Variants in TMEM181 observed in about 807,000 individuals in gnomAD.
TMEM181 encodes the protein G protein-coupled receptor 178.
Under a neutral mutation model 71.9 loss-of-function variants are expected in TMEM181, and 39 were observed. That is an observed-to-expected ratio of 0.54 (90% CI 0.42 to 0.71). The LOEUF (loss-of-function observed/expected upper bound fraction) is 0.71. Ranked by LOEUF, TMEM181 falls within the 30% of genes least tolerant of loss-of-function variation. The probability of loss-of-function intolerance (pLI) is 0.00; values close to 1 mark genes in which losing one functional copy is unlikely to be tolerated. For synonymous variants in TMEM181, 245 were observed against 228.8 expected (o/e 1.07, Z -0.64); for missense variants, 595 against 583.0 (o/e 1.02, Z -0.21).
At chr6:158,556,243 G>A (rs6455591), upstream of TMEM181, among the ~76,000 whole-genome samples, 3,527 of 152,216 alleles carry the variant, frequency 0.023, 140 homozygotes, top group African/African-American at 0.079. Flanking sequence ...GAGAAGAGTC[G>A]CCTTGGCCAA....
intron 2 of TMEM181, among the ~76,000 whole-genome samples, chr6:158,577,211 T>TG: frequency 6.6e-6 from 1 of 152,256 alleles, no homozygotes; most frequent in East Asian, 1.9e-4. Flanking sequence ...TTAAAGGTGC[T>TG]GAGGCAACTA....
chr6:158,539,984 C>A (rs1274176531), intron 1 of TMEM181, among the ~76,000 whole-genome samples: 4 of 152,166 alleles, frequency 2.6e-5, no homozygotes, highest in African/African-American at 9.7e-5. Context: ...AACAGAAAAA[C>A]CACAGCGAAC....
chr6:158,566,298 G>A (rs1392718032), intron 1 of TMEM181, among the ~76,000 whole-genome samples: 1 of 151,842 alleles, frequency 6.6e-6, no homozygotes, highest in African/African-American at 2.4e-5. Context: ...GCAGGCCATT[G>A]TTCATACCTG....
At chr6:158,605,129 AAAGT>A (rs72419523) in intron 6 of TMEM181, 134 bp from the exon 7 acceptor site, 100,926 of 391,704 alleles carry the variant, frequency 0.26, 8,967 homozygotes, top group East Asian at 0.48. Flanking sequence ...AAAAAAAAAA[AAAGT>A]GTGTGTGTGT....
At position 158,554,735 on chromosome 6, in the gene TMEM181, G is replaced by A. The variant is rs922688619; in HGVS notation, c.131+17870G>A. ...AACATAAAACATAATACACGTACAT[G>A]TGTAAATGCACCGAAACAAATATCC... On this transcript the variant is annotated intron_variant, in intron 1 of 16. Transcript: ENST00000367090. Among the ~76,000 whole-genome samples the A allele has an allele frequency of 3.3e-5, 5 of 152,322 alleles. No homozygotes were observed. The South Asian group carries it at 8.3e-4, about 25-fold the overall frequency.
chr6:158,611,042 A>G, intron 10 of TMEM181: 1 of 454,064 alleles, frequency 2.2e-6, no homozygotes, highest in Admixed American at 2.6e-5. Flanking sequence ...GGATTTCTAA[A>G]TGAGAGAGTC....
At chr6:158,581,077 C>A in intron 3 of TMEM181, 82 bp downstream of exon 3, 2 of 1,358,260 alleles carry the variant, frequency 1.5e-6, no homozygotes, top group Non-Finnish European at 2.1e-6. Context: ...CGCTTAGAGT[C>A]TTTAAGGTAG....
At chr6:158,568,050 T>G (rs934587611) in intron 1 of TMEM181, among the ~76,000 whole-genome samples, 7 of 151,948 alleles carry the variant, frequency 4.6e-5, no homozygotes, top group African/African-American at 1.7e-4. Context: ...CAGGAGTTTT[T>G]GGGGCCTGAA....
exon 1 of TMEM181, chr6:158,536,803 G>A (rs1180547153): frequency 6.4e-6 from 10 of 1,560,728 alleles, no homozygotes; most frequent in African/African-American, 1.4e-5. Context: ...GCCGGCGGCT[G>A]CGGGAAGCGT....
At chr6:158,579,440 G>A (rs1710045677) in intron 2 of TMEM181, among the ~76,000 whole-genome samples, 2 of 152,068 alleles carry the variant, frequency 1.3e-5, no homozygotes. Context: ...AAGGAAGTTC[G>A]GCCGGGCGCA....
rs1786901047 is a variant in TMEM181, at chr6:158,635,372, G to GA, written c.*3486dup. 6.6e-6 allele frequency: 1 copy of GA among 152,194 alleles called. No individual in the cohort carries two copies. 9.4% of individuals were successfully genotyped at this position (152,194 alleles called of 1,614,324 possible). On this transcript the variant is annotated 3_prime_UTR_variant, in exon 17 of 17. Transcript: ENST00000684151. ...TGTTTATGGCAAATTCGTCTTTTGC[G>GA]AATGGCTTAATTCTGACACTACCTT...
chr6:158,609,831 G>A (rs1562306303), intron 10 of TMEM181: 2 of 239,560 alleles, frequency 8.3e-6, no homozygotes, highest in Non-Finnish European at 1.8e-5. Context: ...TACTGGCAAA[G>A]GCTTTTGGGA....
At chr6:158,605,149 T>TGTGG in intron 6 of TMEM181, 118 bp from the exon 7 acceptor site, 1 of 580,866 alleles carries the variant, frequency 1.7e-6, no homozygotes, top group Non-Finnish European at 3.1e-6. Context: ...TGTGTGTGTG[T>TGTGG]GTGTGTGTGT....
chr6:158,625,034 G>T, intron 11 of TMEM181, 70 bp from the exon 12 acceptor site: 1 of 1,211,228 alleles, frequency 8.3e-7, no homozygotes, highest in South Asian at 1.2e-5. Context: ...TTTCCTGCCT[G>T]TGGTGGTGCT....
At chr6:158,580,813 T>C in intron 2 of TMEM181, 127 bp from the exon 3 acceptor site, 2 of 770,382 alleles carry the variant, frequency 2.6e-6, no homozygotes, top group Non-Finnish European at 2.1e-6. Flanking sequence ...GTATAATCTC[T>C]AAAGAAAAAC....
rs773451593 is a variant in TMEM181 at position 158,585,553 on chromosome 6, T to TG, written c.381+130dup. ...AGAAATTGTTCTTAAGTGAAAAAAA[T>TG]GGAGTCATACCAAAGATGGCATGAA... On this transcript the variant is annotated intron_variant, in intron 5 of 16. Transcript: ENST00000684151. 5.9e-4 allele frequency: 710 copies of TG among 1,212,662 alleles called. 1 individual carries two copies. The highest frequency in any genetic ancestry group is 7.3e-4 in the Non-Finnish European group (674 of 926,618). 75.1% of individuals were successfully genotyped at this position (1,212,662 alleles called of 1,614,324 possible). A position where few individuals can be genotyped will look rare whatever the true frequency, so the allele number is the denominator to read the frequency against.
At chr6:158,573,214 G>A (rs891658624) in intron 1 of TMEM181, among the ~76,000 whole-genome samples, 3 of 152,160 alleles carry the variant, frequency 2.0e-5, no homozygotes, top group South Asian at 2.1e-4. Context: ...AACCCGGAAC[G>A]TGCAGGAACG....
rs370162407 is a variant in TMEM181 at position 158,628,438 on chromosome 6, G to A, written c.1140G>A (p.Ala380=). 1.4e-5 allele frequency: 23 copies of A among 1,614,032 alleles called. No homozygotes were observed. The highest frequency in any genetic ancestry group is 1.9e-5 in the Non-Finnish European group (22 of 1,180,038). ...CCATCCTTTATTTGAGATTTGGGGCGCAAGTACTACAAGACAATTTTGTAG... is the reference window on the plus strand; with the variant it reads ...CCATCCTTTATTTGAGATTTGGGGCACAAGTACTACAAGACAATTTTGTAG... ...SIAILYLRFG[A]QVLQDNFVAE... Residue 380 remains alanine (A), a synonymous_variant, in exon 14 of 17, where the codon GCG becomes GCA. Coordinates refer to ENST00000684151, the MANE Select transcript of TMEM181 (RefSeq NM_001376852.1).
chr6:158,604,113 G>C (rs1382704005), intron 6 of TMEM181, among the ~76,000 whole-genome samples: 1 of 152,182 alleles, frequency 6.6e-6, no homozygotes, highest in East Asian at 1.9e-4. Context: ...TTTTTGGGAG[G>C]TTCGTTCTCT....
Sources: gnomAD v4.1 joint callset for allele counts (sites outside exome capture counted in the v4.1 genomes callset) on GRCh38, gnomAD v4.1.1 for gene constraint, MANE v1.5 for transcripts, NCBI Gene and HGNC (gene_info 2026-07-23, HGNC 2026-07-21) for gene names.